The following LHFPL3 variants were observed in gnomAD, a reference collection of about 807,000 sequenced individuals.
LHFPL3 encodes the protein LHFPL tetraspan subfamily member 3 protein.
Under a neutral mutation model 19.3 loss-of-function variants are expected in LHFPL3, and 5 were observed. The ratio of observed to expected loss-of-function variants is 0.26; its 90% CI spans 0.14 to 0.54. The LOEUF is 0.54. LHFPL3 is among the 20% of genes least tolerant of loss of function. The pLI is 0.94. For missense variants in LHFPL3, 249 were observed against 307.4 expected (o/e 0.81, Z 1.42); for synonymous variants, 133 against 126.2 (o/e 1.05, Z -0.36).
intron 1 of LHFPL3, among the ~76,000 whole-genome samples, chr7:104,347,648 T>C (rs1267674681): frequency 6.6e-6 from 1 of 152,200 alleles, no homozygotes; most frequent in Non-Finnish European, 1.5e-5. Flanking sequence ...CTGTAATCCC[T>C]TGGGAGGCCA....
At chr7:104,902,086 GA>G (rs1442624167) in intron 2 of LHFPL3, among the ~76,000 whole-genome samples, 1 of 152,034 alleles carries the variant, frequency 6.6e-6, no homozygotes, top group Non-Finnish European at 1.5e-5. Flanking sequence ...CAACAAAGAA[GA>G]AACCTTTAAT....
intron 2 of LHFPL3, chr7:104,826,579 T>A: frequency 6.3e-6 from 1 of 157,494 alleles, no homozygotes. Flanking sequence ...TCCAGGAGTA[T>A]GATTCAGGAA....
At chr7:104,602,156 G>C (rs1173197396) in intron 1 of LHFPL3, among the ~76,000 whole-genome samples, 1 of 150,722 alleles carries the variant, frequency 6.6e-6, no homozygotes. Flanking sequence ...AAGTAGCTGG[G>C]ATTACAGGCG....
At chr7:104,691,579 T>G (rs2116136056) in intron 1 of LHFPL3, among the ~76,000 whole-genome samples, 1 of 152,354 alleles carries the variant, frequency 6.6e-6, no homozygotes, top group Admixed American at 6.5e-5. Context: ...AATGGCCAGA[T>G]GTGTGATTAT....
chr7:104,664,623 A>G (rs1407305630), intron 1 of LHFPL3, among the ~76,000 whole-genome samples: 4 of 152,220 alleles, frequency 2.6e-5, no homozygotes, highest in South Asian at 2.1e-4. Flanking sequence ...GTAGCACAGC[A>G]TAGATAATGA....
chr7:104,555,245 G>A (rs1794741677), intron 1 of LHFPL3, among the ~76,000 whole-genome samples: 1 of 152,202 alleles, frequency 6.6e-6, no homozygotes, highest in East Asian at 1.9e-4. Flanking sequence ...ATCACAAAAG[G>A]TGATTAGCCC....
intron 1 of LHFPL3, among the ~76,000 whole-genome samples, chr7:104,490,349 A>G (rs1285218718): frequency 6.6e-6 from 1 of 152,190 alleles, no homozygotes; most frequent in Admixed American, 6.5e-5. Flanking sequence ...AGCCCAAATC[A>G]TCTTCAGTAA....
intron 1 of LHFPL3, among the ~76,000 whole-genome samples, chr7:104,564,150 C>G (rs1790074016): frequency 6.6e-6 from 1 of 152,164 alleles, no homozygotes. Flanking sequence ...TCCTAGGTCA[C>G]ACACCTGACA....
At chr7:104,569,716 T>C (rs1790190983) in intron 1 of LHFPL3, among the ~76,000 whole-genome samples, 1 of 152,228 alleles carries the variant, frequency 6.6e-6, no homozygotes, top group Non-Finnish European at 1.5e-5. Context: ...TTATGTCATT[T>C]AGTTCTGACA....
At position 104,413,879 on chromosome 7, in the gene LHFPL3, G is replaced by T. The variant is rs1343301335; in HGVS notation, c.445+84655G>T. On this transcript the variant is annotated intron_variant, in intron 1 of 2. Coordinates refer to ENST00000424859, the MANE Select transcript of LHFPL3 (RefSeq NM_199000.3). ...GAATCACCTGGTATTATTTTTGTTTGTTTGTTTTTGCCAGGAACTCTTTTT... is the reference window on the plus strand; with the variant it reads ...GAATCACCTGGTATTATTTTTGTTTTTTTGTTTTTGCCAGGAACTCTTTTT... Among the ~76,000 whole-genome samples the T allele has an allele frequency of 3.3e-5, 5 of 152,144 alleles. No individual in the cohort carries two copies. In the South Asian group the frequency reaches 6.2e-4, roughly 19 times the overall value.
At chr7:104,845,247 G>T in intron 2 of LHFPL3, 1 of 673,258 alleles carries the variant, frequency 1.5e-6, no homozygotes, top group South Asian at 1.7e-5. Flanking sequence ...TATGTGCAGA[G>T]AATCACCAAG....
At chr7:104,545,356 C>T (rs961462612) in intron 1 of LHFPL3, among the ~76,000 whole-genome samples, 1 of 152,188 alleles carries the variant, frequency 6.6e-6, no homozygotes, top group Non-Finnish European at 1.5e-5. Context: ...ATGTCCACCC[C>T]TGCCAATTTC....
At chr7:104,694,561 A>G (rs1252354224) in intron 1 of LHFPL3, among the ~76,000 whole-genome samples, 1 of 152,214 alleles carries the variant, frequency 6.6e-6, no homozygotes, top group Non-Finnish European at 1.5e-5. Flanking sequence ...AATGACAGAA[A>G]TATAAACAAA....
At chr7:104,752,158 T>C (rs1181238625) in intron 2 of LHFPL3, among the ~76,000 whole-genome samples, 1 of 152,232 alleles carries the variant, frequency 6.6e-6, no homozygotes, top group Non-Finnish European at 1.5e-5. Flanking sequence ...GTTTAGACTC[T>C]GATGGCCCCA....
In LHFPL3 at chr7:104,538,603, T is replaced by C. The variant is rs77739898; in HGVS notation, c.446-198072T>C. On this transcript the variant is annotated intron_variant, in intron 1 of 2. Transcript: ENST00000424859. ...TTATCACAACAGTGTTAGAAGGAGG[T>C]ACTTGCCCAGACATGGGTTAAAATC... Among the ~76,000 whole-genome samples the C allele has an allele frequency of 2.6e-4, 39 of 152,318 alleles. No individual in the cohort carries two copies. The East Asian group carries it at 7.1e-3, about 28-fold the overall frequency.
chr7:104,702,249 G>A (rs115478971), intron 1 of LHFPL3, among the ~76,000 whole-genome samples: 1,588 of 152,142 alleles, frequency 0.01, 39 homozygotes, highest in African/African-American at 0.036. Flanking sequence ...TTGACTCTTC[G>A]GAGGATATTA....
intron 1 of LHFPL3, among the ~76,000 whole-genome samples, chr7:104,428,343 TCTAA>T (rs1247730051): frequency 6.6e-6 from 1 of 152,220 alleles, no homozygotes; most frequent in Admixed American, 6.5e-5. Flanking sequence ...CATGCTATTG[TCTAA>T]CTAAATTTTC....
intron 1 of LHFPL3, among the ~76,000 whole-genome samples, chr7:104,464,455 T>C (rs894536185): frequency 3.9e-5 from 6 of 152,224 alleles, no homozygotes; most frequent in African/African-American, 1.4e-4. Context: ...GACTTCACAT[T>C]TCCCTTCTTC....
chr7:104,714,930 C>T (rs1307101645), intron 1 of LHFPL3, among the ~76,000 whole-genome samples: 2 of 152,070 alleles, frequency 1.3e-5, no homozygotes, highest in East Asian at 1.9e-4. Flanking sequence ...TATATATACA[C>T]ATATATACAT....
Sources: gnomAD v4.1 joint callset for allele counts (sites outside exome capture counted in the v4.1 genomes callset) on GRCh38, gnomAD v4.1.1 for gene constraint, MANE v1.5 for transcripts, NCBI Gene and HGNC (gene_info 2026-07-23, HGNC 2026-07-21) for gene names.